The following TANC2 variants were observed in gnomAD, a reference collection of about 807,000 sequenced individuals.
TANC2 encodes the protein protein TANC2.
A neutral mutation model predicts 210.5 loss-of-function variants in TANC2; 26 were observed. The observed-to-expected ratio is 0.12, with a 90% CI of 0.09 to 0.17. The LOEUF (loss-of-function observed/expected upper bound fraction) is 0.17. TANC2 is among the 10% of genes least tolerant of loss of function. The pLI is 1.00. For synonymous variants in TANC2, 931 were observed against 967.1 expected (o/e 0.96, Z 0.69); for missense variants, 2,129 against 2,608.9 (o/e 0.82, Z 4.01).
chr17:63,192,880 T>C (rs776232788), intron 5 of TANC2, among the ~76,000 whole-genome samples: 10 of 152,178 alleles, frequency 6.6e-5, no homozygotes, highest in Admixed American at 4.6e-4. Flanking sequence ...AATGACTATA[T>C]CTCCGTGTTG....
At chr17:63,212,190 T>G (rs530666657) in intron 7 of TANC2, among the ~76,000 whole-genome samples, 1 of 152,306 alleles carries the variant, frequency 6.6e-6, no homozygotes, top group Non-Finnish European at 1.5e-5. Context: ...AAATTCATTT[T>G]TTGGCAGTGC....
At chr17:62,979,826 G>T (rs1198652446) in intron 1 of TANC2, among the ~76,000 whole-genome samples, 1 of 152,190 alleles carries the variant, frequency 6.6e-6, no homozygotes, top group African/African-American at 2.4e-5. Flanking sequence ...CAGGAGGATA[G>T]CTTGAGCCTG....
intron 1 of TANC2, among the ~76,000 whole-genome samples, chr17:62,983,683 T>G (rs1052059842): frequency 6.6e-6 from 1 of 152,138 alleles, no homozygotes; most frequent in African/African-American, 2.4e-5. Flanking sequence ...TGAGGGGATG[T>G]TGAATTTTTA....
intron 19 of TANC2, among the ~76,000 whole-genome samples, chr17:63,399,801 A>G (rs1293479039): frequency 6.6e-6 from 1 of 152,232 alleles, no homozygotes; most frequent in African/African-American, 2.4e-5. Context: ...ATAAAGACCT[A>G]TTGTGGCATT....
chr17:63,042,509 G>T (rs2035228111), intron 2 of TANC2, among the ~76,000 whole-genome samples: 1 of 152,060 alleles, frequency 6.6e-6, no homozygotes, highest in South Asian at 2.1e-4. Flanking sequence ...AGAGCTGGAT[G>T]CATTTAAGAT....
At chr17:63,340,104 G>A (rs773104858) in exon 12 of TANC2, 3 of 1,613,046 alleles carry the variant, frequency 1.9e-6, no homozygotes, top group Non-Finnish European at 2.5e-6. Flanking sequence ...TTTGCAGGTG[G>A]TTGCCTATCA....
chr17:63,077,231 G>A (rs1414068155), intron 3 of TANC2, among the ~76,000 whole-genome samples: 1 of 152,100 alleles, frequency 6.6e-6, no homozygotes, highest in East Asian at 1.9e-4. Context: ...TATTCTGAAG[G>A]AAAATAATTT....
At chr17:63,196,336 C>T (rs55757910) in intron 6 of TANC2, among the ~76,000 whole-genome samples, 2,206 of 152,240 alleles carry the variant, frequency 0.014, 32 homozygotes, top group Non-Finnish European at 0.025. Context: ...ATCTATTTCA[C>T]CTTTCATTTC....
intron 10 of TANC2, among the ~76,000 whole-genome samples, chr17:63,317,554 G>C (rs1259149198): frequency 6.6e-6 from 1 of 152,164 alleles, no homozygotes; most frequent in Admixed American, 6.5e-5. Context: ...CAGTATAGTA[G>C]TTGGGGAAGC....
chr17:62,967,962 TTC>T (rs2031455818), intron 1 of TANC2, among the ~76,000 whole-genome samples: 1 of 152,232 alleles, frequency 6.6e-6, no homozygotes, highest in Non-Finnish European at 1.5e-5. Context: ...ACGTTAAACA[TTC>T]TCTTTCTCCC....
intron 9 of TANC2, among the ~76,000 whole-genome samples, chr17:63,274,175 G>A (rs1177570274): frequency 3.3e-5 from 5 of 151,910 alleles, no homozygotes; most frequent in African/African-American, 7.3e-5. Flanking sequence ...CTCCAAGTGG[G>A]ATATTAACAT....
Position 63,375,425 on chromosome 17 carries a change from A to G in TANC2, c.2583-4293A>G, listed in dbSNP as rs573096186. Among the ~76,000 whole-genome samples, 6 of 152,358 alleles carry G rather than the reference A, an allele frequency of 3.9e-5. No individual in the cohort carries two copies. The South Asian group carries it at 1.2e-3, about 32-fold the overall frequency. On this transcript the variant is annotated intron_variant, in intron 14 of 27. Transcript: ENST00000689528. ...AGCATTTCTTAGTTATGGTGGTAAAATGAAAACACTAGGGTAAAGTCAATT... is the reference window on the plus strand; with the variant it reads ...AGCATTTCTTAGTTATGGTGGTAAAGTGAAAACACTAGGGTAAAGTCAATT...
At chr17:63,363,652 T>A (rs921981890) in intron 14 of TANC2, among the ~76,000 whole-genome samples, 5 of 152,200 alleles carry the variant, frequency 3.3e-5, no homozygotes, top group Non-Finnish European at 7.4e-5. Context: ...GAACCTTTTT[T>A]AAAAATGAGT....
intron 1 of TANC2, among the ~76,000 whole-genome samples, chr17:63,000,746 C>G (rs1341760181): frequency 2.0e-5 from 3 of 152,032 alleles, no homozygotes; most frequent in African/African-American, 7.2e-5. Context: ...TTTGGAAAAG[C>G]AGGGTAAAAT....
At chr17:63,015,570 T>A (rs559703518) in intron 2 of TANC2, among the ~76,000 whole-genome samples, 1 of 152,246 alleles carries the variant, frequency 6.6e-6, no homozygotes, top group South Asian at 2.1e-4. Context: ...ATGTGGTGTT[T>A]GGTTTTTTTG....
chr17:63,355,115 C>A lies in TANC2; in HGVS notation c.2307C>A (p.Phe769Leu), dbSNP rs1477788468. The change falls in exon 14 of 28, where the codon TTC becomes TTA. Residue 769 changes from phenylalanine to leucine, a missense_variant. Physicochemically the swap from Phe to Leu is conservative, Grantham distance 22. Coordinates refer to ENST00000689528, the Ensembl canonical transcript of TANC2. ...ATTTACTCCAGTGCAATATGAAGTTCCCAACCCAGTCTTCCTTTGACCGGG... is the reference window on the plus strand; with the variant it reads ...ATTTACTCCAGTGCAATATGAAGTTACCAACCCAGTCTTCCTTTGACCGGG... 4 of 1,613,754 alleles carry A rather than the reference C, an allele frequency of 2.5e-6. No homozygotes were observed. The African/African-American group carries it at 5.3e-5, about 22-fold the overall frequency.
chr17:63,098,466 ACACACACACACACATACACT>A lies in TANC2; in HGVS notation c.140-707_140-688del, dbSNP rs1223007105. Among the ~76,000 whole-genome samples the A allele has an allele frequency of 2.9e-4, 11 of 38,236 alleles. 1 individual carries two copies. Among genetic ancestry groups the A allele is most frequent in the African/African-American group, 1.6e-3 (9 of 5,528 alleles). 25.1% of individuals were successfully genotyped at this position (38,236 alleles called of 152,430 possible). On this transcript the variant is annotated intron_variant, in intron 3 of 27. Transcript: ENST00000689528. ...CACACACACACACACACACACACAC[ACACACACACACACATACACT>A]CTCTCTCTCTCTCTCTCTCTCTCTG...
intron 17 of TANC2, among the ~76,000 whole-genome samples, chr17:63,395,333 A>G (rs986201260): frequency 1.3e-5 from 2 of 152,226 alleles, no homozygotes; most frequent in Admixed American, 6.5e-5. Flanking sequence ...GTAGCTTCAT[A>G]ATGTTTTTCT....
In TANC2 at chr17:63,340,336, C is replaced by T. The variant is rs2046186308; in HGVS notation, c.1807+4C>T. 1 of 1,612,168 alleles carries T rather than the reference C, an allele frequency of 6.2e-7. No individual in the cohort carries two copies. The highest frequency in any genetic ancestry group is 1.1e-5 in the South Asian group (1 of 91,000). ...CCACTAGAAAATCTCCATAAAGGTACAGATAAGGCCCAAAGGAGGGGAAAG... is the reference window on the plus strand; with the variant it reads ...CCACTAGAAAATCTCCATAAAGGTATAGATAAGGCCCAAAGGAGGGGAAAG... On this transcript the variant is annotated splice_donor_region_variant and intron_variant, in intron 12 of 27. Coordinates refer to ENST00000689528, the Ensembl canonical transcript of TANC2.
Sources: allele counts gnomAD v4.1 joint callset (sites outside exome capture counted in the v4.1 genomes callset), GRCh38; gene constraint gnomAD v4.1.1; transcripts MANE v1.5; gene names NCBI Gene and HGNC (gene_info 2026-07-23, HGNC 2026-07-21).